The following DNAJC13 variants were observed in gnomAD, a reference collection of about 807,000 sequenced individuals.
DNAJC13 encodes dnaJ homolog subfamily C member 13.
DNAJC13 carries 75 observed loss-of-function variants against 290.5 expected under a neutral mutation model. The ratio of observed to expected loss-of-function variants is 0.26; its 90% CI spans 0.21 to 0.31. The LOEUF (loss-of-function observed/expected upper bound fraction) is 0.31, where lower values mean the gene tolerates loss of function less well. DNAJC13 is among the 10% of genes least tolerant of loss of function. The pLI is 1.00. For synonymous variants in DNAJC13, 862 were observed against 892.0 expected (o/e 0.97, Z 0.60); for missense variants, 2,260 against 2,674.5 (o/e 0.85, Z 3.42).
chr3:132,516,191 C>T (rs1169974423), intron 46 of DNAJC13, among the ~76,000 whole-genome samples: 1 of 152,136 alleles, frequency 6.6e-6, no homozygotes, highest in Non-Finnish European at 1.5e-5. Context: ...GACCTGCATA[C>T]AAAACTCAAC....
At chr3:132,451,300 A>G (rs1933408067) in intron 6 of DNAJC13, among the ~76,000 whole-genome samples, 1 of 152,156 alleles carries the variant, frequency 6.6e-6, no homozygotes, top group Non-Finnish European at 1.5e-5. Flanking sequence ...GTTCTGCACA[A>G]AAAGGAAAAA....
chr3:132,418,511 T>C (rs752518125), intron 1 of DNAJC13, among the ~76,000 whole-genome samples: 3 of 152,226 alleles, frequency 2.0e-5, no homozygotes, highest in Admixed American at 1.3e-4. Flanking sequence ...TTGTTTCCTG[T>C]GTCCGTTGCT....
At chr3:132,443,495 T>C (rs1207518567) in intron 2 of DNAJC13, among the ~76,000 whole-genome samples, 2 of 152,348 alleles carry the variant, frequency 1.3e-5, no homozygotes, top group East Asian at 1.9e-4. Flanking sequence ...TAATATTCTA[T>C]ACATGCGAGA....
At chr3:132,500,414 C>T (rs1935371847) in intron 38 of DNAJC13, among the ~76,000 whole-genome samples, 1 of 152,186 alleles carries the variant, frequency 6.6e-6, no homozygotes, top group Non-Finnish European at 1.5e-5. Context: ...CAGAGGCCAG[C>T]AAACTTCTAA....
Position 132,502,318 on chromosome 3 carries a change from A to C in DNAJC13, c.4566A>C (p.Val1522=). 6.2e-7 allele frequency: 1 copy of C among 1,612,876 alleles called. No homozygotes were observed. Among genetic ancestry groups the C allele is most frequent in the Middle Eastern group, 1.7e-4 (1 of 6,060 alleles). ...KSIPRVAALG[V]ECVSSFAVDF... ...TTCCCCGCGTAGCTGCTCTTGGGGT[A>C]GAATGTGTCAGTTCTTTTGCTGTGG... Residue 1522 remains valine, a synonymous_variant, in exon 40 of 56, where the codon GTA becomes GTC. Coordinates refer to ENST00000260818, the MANE Select transcript of DNAJC13 (RefSeq NM_015268.4).
rs112984369 is a variant in DNAJC13, at chr3:132,453,084, C to T, written c.538-214C>T. Reference sequence around the variant, plus strand: ...ACCTGAGAAATTTTGAGATAATTGCCGTTCAGTGAGTTAGTTGCAAAGCTC... The same window carrying T: ...ACCTGAGAAATTTTGAGATAATTGCTGTTCAGTGAGTTAGTTGCAAAGCTC... On this transcript the variant is annotated intron_variant, in intron 6 of 55. Coordinates refer to ENST00000260818, the MANE Select transcript of DNAJC13 (RefSeq NM_015268.4). Among the ~76,000 whole-genome samples the T allele has an allele frequency of 1.4e-4, 22 of 152,230 alleles. No homozygotes were observed. In the South Asian group the frequency reaches 3.1e-3, roughly 22 times the overall value.
chr3:132,518,830 C>G (rs1017850555), intron 48 of DNAJC13, among the ~76,000 whole-genome samples: 2 of 152,172 alleles, frequency 1.3e-5, no homozygotes, highest in African/African-American at 4.8e-5. Flanking sequence ...AACCCTATTT[C>G]TATTAGCAGT....
rs1934900345 is a variant in DNAJC13 at position 132,487,003 on chromosome 3, A to G, written c.3268-1295A>G. On this transcript the variant is annotated intron_variant, in intron 29 of 55. Transcript: ENST00000260818. ...GTGGGTGTTTGCCACTAATTTCCGT[A>G]ATGTCAAGTCTTGAACTACTGCCAT... Among the ~76,000 whole-genome samples the G allele has an allele frequency of 5.3e-5, 8 of 152,160 alleles. No homozygotes were observed. The South Asian group carries it at 1.7e-3, about 32-fold the overall frequency.
rs185479902 is a variant in DNAJC13, at chr3:132,501,697, G to T, written c.4537-592G>T. The stretch of plus-strand genomic sequence containing the variant: ...TTCCTCCCAATCCAGACCTGCTGAG[G>T]AAGGTTGACTGTGGGTAGATGAGAT... On this transcript the variant is annotated intron_variant, in intron 39 of 55. Coordinates refer to ENST00000260818, the MANE Select transcript of DNAJC13 (RefSeq NM_015268.4). Among the ~76,000 whole-genome samples, 547 of 152,312 alleles carry T rather than the reference G, an allele frequency of 3.6e-3. 3 individuals are homozygous for T. The highest frequency in any genetic ancestry group is 6.4e-3 in the Non-Finnish European group (435 of 68,010).
At chr3:132,474,129 T>G (rs192649662) in intron 21 of DNAJC13, 3 of 152,390 alleles carry the variant, frequency 2.0e-5, no homozygotes, top group Non-Finnish European at 2.9e-5. Flanking sequence ...TGTAAAGTCC[T>G]AACATATATA....
chr3:132,488,599 G>T, intron 30 of DNAJC13, 147 bp downstream of exon 30: 1 of 806,992 alleles, frequency 1.2e-6, no homozygotes. Flanking sequence ...GAGTTGGAAA[G>T]CAGAAGAATG....
At chr3:132,457,196 G>T in intron 12 of DNAJC13, 73 bp from the exon 13 acceptor site, 1 of 1,069,328 alleles carries the variant, frequency 9.4e-7, no homozygotes, top group South Asian at 1.7e-5. Context: ...AAGTTAATAT[G>T]ATCTATTTCA....
chr3:132,480,539 A>G (rs952626974), intron 26 of DNAJC13, 69 bp downstream of exon 26: 8 of 1,178,726 alleles, frequency 6.8e-6, no homozygotes, highest in African/African-American at 4.6e-5. Flanking sequence ...CAAAAGAATC[A>G]TAGAAATCTG....
intron 5 of DNAJC13, among the ~76,000 whole-genome samples, chr3:132,449,101 C>T (rs990962226): frequency 1.3e-5 from 2 of 152,132 alleles, no homozygotes; most frequent in Non-Finnish European, 2.9e-5. Context: ...CCTGATTTTA[C>T]ATCAGGAGTA....
chr3:132,434,772 AT>A (rs956068012), intron 2 of DNAJC13, among the ~76,000 whole-genome samples, 154 bp downstream of exon 2: 2 of 151,540 alleles, frequency 1.3e-5, no homozygotes, highest in African/African-American at 2.4e-5. Context: ...TGCTACATGT[AT>A]TTTTTTTTCT....
chr3:132,516,391 T>A (rs778333632), intron 46 of DNAJC13, 31 bp from the exon 47 acceptor site: 1 of 1,607,348 alleles, frequency 6.2e-7, no homozygotes, highest in Non-Finnish European at 8.5e-7. Flanking sequence ...AACCTGATGA[T>A]GCATTCCTTG....
intron 35 of DNAJC13, 144 bp downstream of exon 35, chr3:132,495,310 C>G (rs928901168): frequency 1.7e-6 from 1 of 583,930 alleles, no homozygotes; most frequent in African/African-American, 1.9e-5. Context: ...TGGCCACATG[C>G]CCATAGTTTC....
At chr3:132,487,832 C>G (rs1444287730) in intron 29 of DNAJC13, among the ~76,000 whole-genome samples, 3 of 151,954 alleles carry the variant, frequency 2.0e-5, no homozygotes, top group African/African-American at 7.3e-5. Context: ...GATGTACTAC[C>G]TGATACTTGT....
chr3:132,521,223 A>AC lies in DNAJC13; in HGVS notation c.5674-1601dup, dbSNP rs530653151. Among the ~76,000 whole-genome samples, 210 of 151,808 alleles carry AC rather than the reference A, an allele frequency of 1.4e-3. 1 individual carries two copies. Among genetic ancestry groups the AC allele is most frequent in the Non-Finnish European group, 2.1e-3 (145 of 67,932 alleles). ...AGACCAACCTGGGTGAGGTAGAGAG[A>AC]CCCCATCTCTTAAAAAGAAAAACAA... On this transcript the variant is annotated intron_variant, in intron 48 of 55. Coordinates refer to ENST00000260818, the MANE Select transcript of DNAJC13 (RefSeq NM_015268.4).
Sources: gnomAD v4.1 joint callset for allele counts (sites outside exome capture counted in the v4.1 genomes callset) on GRCh38, gnomAD v4.1.1 for gene constraint, MANE v1.5 for transcripts, NCBI Gene and HGNC (gene_info 2026-07-23, HGNC 2026-07-21) for gene names.